Variants in CNTN4 observed in about 807,000 individuals in gnomAD.
The protein encoded by CNTN4 is contactin 4.
CNTN4 carries 77 observed loss-of-function variants against 122.5 expected under a neutral mutation model. The observed-to-expected ratio is 0.63, with a 90% CI of 0.52 to 0.76. The LOEUF is 0.76. CNTN4 is among the 30% of genes least tolerant of loss of function. The pLI is 0.00. For synonymous variants in CNTN4, 512 were observed against 447.0 expected (o/e 1.15, Z -1.83); for missense variants, 1,256 against 1,259.1 (o/e 1.00, Z 0.04).
chr3:2,925,921 A>G (rs2094469240), intron 13 of CNTN4, 142 bp downstream of exon 13: 1 of 724,584 alleles, frequency 1.4e-6, no homozygotes, highest in Non-Finnish European at 2.3e-6. Context: ...CTTTGGAAGG[A>G]TGAGTGGTAA....
chr3:2,202,658 A>T (rs1402577117), intron 2 of CNTN4, among the ~76,000 whole-genome samples: 1 of 152,126 alleles, frequency 6.6e-6, no homozygotes, highest in Non-Finnish European at 1.5e-5. Flanking sequence ...AGACTATAGA[A>T]ATTTAAGTTT....
chr3:2,102,886 A>G (rs144054979), intron 2 of CNTN4, among the ~76,000 whole-genome samples: 2 of 151,762 alleles, frequency 1.3e-5, no homozygotes, highest in African/African-American at 4.8e-5. Context: ...TCCATGTTCA[A>G]TAACTGTTAC....
At chr3:2,225,589 A>G (rs116553558) in intron 2 of CNTN4, among the ~76,000 whole-genome samples, 34 of 152,344 alleles carry the variant, frequency 2.2e-4, no homozygotes, top group African/African-American at 7.9e-4. Context: ...GGTACAGCCA[A>G]TAGAAAATGA....
intron 3 of CNTN4, among the ~76,000 whole-genome samples, chr3:2,459,767 C>G (rs2049133533): frequency 6.6e-6 from 1 of 152,138 alleles, no homozygotes; most frequent in Non-Finnish European, 1.5e-5. Context: ...TCCTTTCTAG[C>G]TAAATAAGCC....
chr3:2,496,116 CAAAA>C (rs1412090154), intron 3 of CNTN4, among the ~76,000 whole-genome samples: 1 of 152,140 alleles, frequency 6.6e-6, no homozygotes, highest in African/African-American at 2.4e-5. Flanking sequence ...AGTTATAAAA[CAAAA>C]GAAAGTTAAT....
intron 6 of CNTN4, among the ~76,000 whole-genome samples, chr3:2,776,034 G>T (rs1263391941): frequency 6.6e-6 from 1 of 152,156 alleles, no homozygotes; most frequent in African/African-American, 2.4e-5. Context: ...TTTATTGCAT[G>T]TGTCAACCTT....
chr3:2,158,741 T>C (rs971559061), intron 2 of CNTN4, among the ~76,000 whole-genome samples: 1 of 152,204 alleles, frequency 6.6e-6, no homozygotes, highest in Non-Finnish European at 1.5e-5. Context: ...CTGGTGAGCA[T>C]TAACTCACTC....
intron 2 of CNTN4, among the ~76,000 whole-genome samples, chr3:2,189,425 G>T (rs1177705688): frequency 6.6e-6 from 1 of 152,174 alleles, no homozygotes; most frequent in African/African-American, 2.4e-5. Flanking sequence ...ATGGTACTCA[G>T]TGCAATAACA....
intron 4 of CNTN4, among the ~76,000 whole-genome samples, chr3:2,572,954 A>ACG (rs2079491094): frequency 1.3e-5 from 2 of 152,174 alleles, no homozygotes; most frequent in African/African-American, 4.8e-5. Flanking sequence ...TCCTTTATCC[A>ACG]ATTTCTTTCT....
At chr3:2,466,721 T>C (rs369873699) in intron 3 of CNTN4, among the ~76,000 whole-genome samples, 3 of 152,200 alleles carry the variant, frequency 2.0e-5, no homozygotes, top group African/African-American at 7.2e-5. Flanking sequence ...TGTTTTGATA[T>C]ATATTCTATT....
rs536664397 is a variant in CNTN4 at position 2,158,072 on chromosome 3, C to G, written c.-145+57433C>G. 2.0e-5 allele frequency among the ~76,000 whole-genome samples: 3 copies of G among 149,386 alleles called. No individual in the cohort carries two copies. In the South Asian group the frequency reaches 6.4e-4, roughly 32 times the overall value. On this transcript the variant is annotated intron_variant, in intron 2 of 24. Transcript: ENST00000418658. ...TAATAGAAGCTTCCAGGATTTCATACATATGTTCTTTAATTTTGCATATAC... is the reference window on the plus strand; with the variant it reads ...TAATAGAAGCTTCCAGGATTTCATAGATATGTTCTTTAATTTTGCATATAC...
At chr3:2,136,389 G>C (rs1233711263) in intron 2 of CNTN4, among the ~76,000 whole-genome samples, 1 of 152,138 alleles carries the variant, frequency 6.6e-6, no homozygotes, top group Non-Finnish European at 1.5e-5. Context: ...ATTACTAAAA[G>C]ATACACTGAA....
At chr3:3,008,835 A>C (rs576024710) in intron 14 of CNTN4, among the ~76,000 whole-genome samples, 3 of 152,278 alleles carry the variant, frequency 2.0e-5, no homozygotes, top group Non-Finnish European at 4.4e-5. Flanking sequence ...ACCTAATATA[A>C]TAGGAATAGA....
At chr3:2,262,270 C>G (rs1266303936) in intron 2 of CNTN4, 1 of 152,136 alleles carries the variant, frequency 6.6e-6, no homozygotes, top group Non-Finnish European at 1.5e-5. Flanking sequence ...CCAACTTTAT[C>G]TGCATCGTAG....
At chr3:2,507,373 A>C (rs981076102) in intron 3 of CNTN4, among the ~76,000 whole-genome samples, 1 of 152,052 alleles carries the variant, frequency 6.6e-6, no homozygotes, top group African/African-American at 2.4e-5. Context: ...GGAAAATCAG[A>C]ATCTTCTGAG....
In CNTN4 at chr3:2,367,895, A is replaced by C. The variant is rs558058668; in HGVS notation, c.-89+28662A>C. ...ATTTGGCCCTACTGAGTGTCATTAGATTGGCCTCAGGATCCGTAAGTACTA... is the reference window on the plus strand; with the variant it reads ...ATTTGGCCCTACTGAGTGTCATTAGCTTGGCCTCAGGATCCGTAAGTACTA... On this transcript the variant is annotated intron_variant, in intron 3 of 24. Transcript: ENST00000418658. 1.7e-4 allele frequency among the ~76,000 whole-genome samples: 26 copies of C among 152,016 alleles called. No individual in the cohort carries two copies. The South Asian group carries it at 2.7e-3, about 16-fold the overall frequency.
chr3:2,254,804 G>A (rs2040512834), intron 2 of CNTN4, among the ~76,000 whole-genome samples: 1 of 152,022 alleles, frequency 6.6e-6, no homozygotes, highest in South Asian at 2.1e-4. Context: ...TCAGATGGTG[G>A]ATTACAAAAA....
At chr3:2,780,014 G>A (rs903962658) in intron 6 of CNTN4, among the ~76,000 whole-genome samples, 7 of 152,300 alleles carry the variant, frequency 4.6e-5, no homozygotes, top group African/African-American at 1.7e-4. Context: ...AGTACTCACT[G>A]ATAAAAGGAT....
chr3:2,799,686 A>G (rs756429214), intron 6 of CNTN4, among the ~76,000 whole-genome samples: 1 of 151,610 alleles, frequency 6.6e-6, no homozygotes, highest in Non-Finnish European at 1.5e-5. Context: ...CTGGCCTCAA[A>G]CTCCTATAGT....
Sources: allele counts gnomAD v4.1 joint callset (sites outside exome capture counted in the v4.1 genomes callset), GRCh38; gene constraint gnomAD v4.1.1; transcripts MANE v1.5; gene names NCBI Gene and HGNC (gene_info 2026-07-23, HGNC 2026-07-21).